RTTN: variants seen among roughly 807,000 people sequenced by gnomAD.
The protein encoded by RTTN is rotatin.
A neutral mutation model predicts 269.2 loss-of-function variants in RTTN; 182 were observed. The ratio of observed to expected loss-of-function variants is 0.68; its 90% CI spans 0.60 to 0.76. RTTN has a LOEUF of 0.76. RTTN is among the 30% of genes least tolerant of loss of function. The pLI, the probability that RTTN is intolerant of heterozygous loss-of-function variation, is 0.00. For synonymous variants in RTTN, 1,006 were observed against 963.5 expected (o/e 1.04, Z -0.82); for missense variants, 2,545 against 2,608.6 (o/e 0.98, Z 0.53).
intron 32 of RTTN, among the ~76,000 whole-genome samples, chr18:70,085,456 G>A (rs546268320): frequency 5.8e-4 from 88 of 152,152 alleles, no homozygotes; most frequent in African/African-American, 2.0e-3. Flanking sequence ...CCCTTGCTAC[G>A]GTTCAGCTTG....
At chr18:70,161,557 G>C (rs2060831211) in intron 14 of RTTN, among the ~76,000 whole-genome samples, 1 of 151,882 alleles carries the variant, frequency 6.6e-6, no homozygotes, top group South Asian at 2.1e-4. Context: ...TATCAACTAA[G>C]TAAAAAGCCT....
Position 70,127,947 on chromosome 18 carries a change from T to G in RTTN, c.3144-206A>C, listed in dbSNP as rs1414479034. ...CATCCCAAATGTTTATATTGACTTT[T>G]CCTCCTTATAAAAATTTTTATTCAC... is the stretch of plus-strand genomic sequence containing the variant. On this transcript the variant is annotated intron_variant, in intron 24 of 48. Coordinates refer to ENST00000640769, the MANE Select transcript of RTTN (RefSeq NM_173630.4). 4 of 552,316 alleles carry G rather than the reference T, an allele frequency of 7.2e-6. No homozygotes were observed. The African/African-American group carries it at 7.5e-5, about 10-fold the overall frequency. The allele number at this position is 552,316 out of a possible 1,614,324, so 34.2% of individuals were successfully genotyped here.
intron 43 of RTTN, among the ~76,000 whole-genome samples, chr18:70,027,651 A>T (rs1241696714): frequency 6.6e-6 from 1 of 152,222 alleles, no homozygotes; most frequent in African/African-American, 2.4e-5. Flanking sequence ...TTACACACAA[A>T]TACTGACTGT....
intron 36 of RTTN, among the ~76,000 whole-genome samples, chr18:70,059,626 TGG>T (rs2057918128): frequency 6.6e-6 from 1 of 152,186 alleles, no homozygotes; most frequent in Non-Finnish European, 1.5e-5. Context: ...AGTTTTTCTT[TGG>T]CCTTAATAGT....
At chr18:70,044,359 T>C (rs2144745064) in intron 40 of RTTN, among the ~76,000 whole-genome samples, 1 of 152,336 alleles carries the variant, frequency 6.6e-6, no homozygotes, top group South Asian at 2.1e-4. Context: ...TCTCAACTGA[T>C]TAATATATCA....
intron 26 of RTTN, among the ~76,000 whole-genome samples, chr18:70,119,139 A>G (rs2059672790): frequency 6.6e-6 from 1 of 152,118 alleles, no homozygotes; most frequent in Admixed American, 6.6e-5. Flanking sequence ...AGGCAAGTTA[A>G]GCTGTCCCTC....
At chr18:70,024,128 C>T (rs2056784297) in intron 44 of RTTN, among the ~76,000 whole-genome samples, 1 of 152,182 alleles carries the variant, frequency 6.6e-6, no homozygotes, top group Non-Finnish European at 1.5e-5. Flanking sequence ...CACCAGCTTA[C>T]AACTGCCAAT....
At chr18:70,143,710 A>G (rs112006807) in intron 18 of RTTN, among the ~76,000 whole-genome samples, 162 of 152,248 alleles carry the variant, frequency 1.1e-3, no homozygotes, top group Middle Eastern at 3.4e-3. Context: ...GAGTTTACCT[A>G]TATAACAAAC....
At chr18:70,119,169 T>G (rs762808999) in intron 26 of RTTN, among the ~76,000 whole-genome samples, 15 of 152,056 alleles carry the variant, frequency 9.9e-5, no homozygotes, top group Admixed American at 2.0e-4. Context: ...GATATAATCT[T>G]AAATCTAGAA....
chr18:70,030,830 T>C (rs773699359), intron 41 of RTTN, 46 bp downstream of exon 41: 3 of 1,359,220 alleles, frequency 2.2e-6, no homozygotes, highest in Admixed American at 3.9e-5. Context: ...ACAAAACATA[T>C]GAATTGATAA....
chr18:70,205,457 C>A, intron 1 of RTTN, 142 bp from the exon 2 acceptor site: 4 of 1,365,426 alleles, frequency 2.9e-6, no homozygotes, highest in South Asian at 1.3e-5. Flanking sequence ...GGACGCGAAC[C>A]GCGAAGTTTA....
chr18:70,038,860 G>C (rs1316533847), intron 40 of RTTN, among the ~76,000 whole-genome samples: 1 of 152,162 alleles, frequency 6.6e-6, no homozygotes, highest in East Asian at 1.9e-4. Context: ...AATTTTATCA[G>C]ATAAATTTAA....
At chr18:70,154,968 A>G (rs1290537541) in intron 14 of RTTN, among the ~76,000 whole-genome samples, 3 of 152,078 alleles carry the variant, frequency 2.0e-5, no homozygotes, top group Non-Finnish European at 4.4e-5. Flanking sequence ...TCAACATCTC[A>G]CTTTCAATCT....
At chr18:70,006,560 AC>A in intron 46 of RTTN, 76 bp from the exon 47 acceptor site, 1 of 1,095,118 alleles carries the variant, frequency 9.1e-7, no homozygotes, top group Non-Finnish European at 1.4e-6. Flanking sequence ...CTAGTCAGAC[AC>A]CCCCCTCTTT....
chr18:70,117,175 C>T (rs184171153), intron 26 of RTTN, among the ~76,000 whole-genome samples: 30 of 152,102 alleles, frequency 2.0e-4, no homozygotes, highest in African/African-American at 6.5e-4. Flanking sequence ...ACTAATCAGG[C>T]GTTCATATCT....
At chr18:70,093,714 T>C (rs778745282) in intron 28 of RTTN, among the ~76,000 whole-genome samples, 7 of 152,234 alleles carry the variant, frequency 4.6e-5, no homozygotes, top group African/African-American at 9.6e-5. Context: ...CAGTCTTTTA[T>C]TGAGGATTTT....
chr18:70,006,412 G>T lies in RTTN; in HGVS notation c.6494C>A (p.Ala2165Asp). The T allele has an allele frequency of 6.2e-7, 1 of 1,613,878 alleles. No individual in the cohort carries two copies. The highest frequency in any genetic ancestry group is 8.5e-7 in the Non-Finnish European group (1 of 1,179,760). ...ATAATTGTAAATCAGAGCCCAAAGG[G>T]CAGCTGCTCCAATCCTCTGAGCATT... is the stretch of plus-strand genomic sequence containing the variant. Reference protein sequence around the residue: ...NQNAQRIGAAALWALIYNYQK... With the variant: ...NQNAQRIGAADLWALIYNYQK... Residue 2165 changes from alanine (A) to aspartate (D), a missense_variant, in exon 47 of 49, where the codon GCC becomes GAC. Transcript: ENST00000640769.
chr18:70,080,760 G>A (rs1329383697), intron 32 of RTTN, among the ~76,000 whole-genome samples: 1 of 151,974 alleles, frequency 6.6e-6, no homozygotes, highest in South Asian at 2.1e-4. Context: ...ACTACCAGTG[G>A]GATTCAGCAA....
At chr18:70,140,223 C>A (rs888944046) in intron 19 of RTTN, 35 bp from the exon 20 acceptor site, 2 of 1,255,240 alleles carry the variant, frequency 1.6e-6, no homozygotes, top group Non-Finnish European at 2.3e-6. Flanking sequence ...AGTTAAAGCA[C>A]ATTTTTTGTA....
Sources: gnomAD v4.1 joint callset for allele counts (sites outside exome capture counted in the v4.1 genomes callset) on GRCh38, gnomAD v4.1.1 for gene constraint, MANE v1.5 for transcripts, NCBI Gene and HGNC (gene_info 2026-07-23, HGNC 2026-07-21) for gene names.